The following CADM2 variants were observed in gnomAD, a reference collection of about 807,000 sequenced individuals.
CADM2 encodes immunoglobulin superfamily member 4D.
A neutral mutation model predicts 49.8 loss-of-function variants in CADM2; 12 were observed. The ratio of observed to expected loss-of-function variants is 0.24; its 90% CI spans 0.15 to 0.39. CADM2 has a LOEUF of 0.39. CADM2 is among the 10% of genes least tolerant of loss of function. CADM2 has a pLI of 1.00. For synonymous variants in CADM2, 214 were observed against 175.4 expected (o/e 1.22, Z -1.74); for missense variants, 378 against 492.3 (o/e 0.77, Z 2.20).
At chr3:85,108,598 T>C (rs2038336999) in intron 1 of CADM2, among the ~76,000 whole-genome samples, 1 of 152,046 alleles carries the variant, frequency 6.6e-6, no homozygotes, top group Admixed American at 6.6e-5. Context: ...CTAGTGATGG[T>C]TGAACAACAA....
chr3:85,666,130 TC>T (rs1371219870), intron 1 of CADM2, among the ~76,000 whole-genome samples: 1 of 151,882 alleles, frequency 6.6e-6, no homozygotes, highest in Non-Finnish European at 1.5e-5. Context: ...ATAAGTGAAC[TC>T]CCATTCACAA....
chr3:85,985,446 G>C (rs1727974841), intron 8 of CADM2, among the ~76,000 whole-genome samples: 1 of 151,788 alleles, frequency 6.6e-6, no homozygotes, highest in Non-Finnish European at 1.5e-5. Context: ...GAGGACATAT[G>C]GTCCAACAGA....
intron 6 of CADM2, among the ~76,000 whole-genome samples, chr3:85,914,151 G>T (rs959823247): frequency 6.6e-6 from 1 of 152,032 alleles, no homozygotes; most frequent in Non-Finnish European, 1.5e-5. Context: ...ATTATGTTAG[G>T]TTAATTTTAG....
chr3:85,422,674 G>A (rs1485327176), intron 1 of CADM2, among the ~76,000 whole-genome samples: 1 of 152,088 alleles, frequency 6.6e-6, no homozygotes, highest in Admixed American at 6.5e-5. Flanking sequence ...TTGCGTATAT[G>A]TATATATTTT....
intron 1 of CADM2, among the ~76,000 whole-genome samples, chr3:85,218,098 A>G (rs1239687562): frequency 6.6e-6 from 1 of 152,138 alleles, no homozygotes; most frequent in Admixed American, 6.5e-5. Context: ...TTTATTAGAC[A>G]TATAATAATT....
At chr3:85,945,527 C>T (rs1722558259) in intron 7 of CADM2, among the ~76,000 whole-genome samples, 1 of 152,056 alleles carries the variant, frequency 6.6e-6, no homozygotes, top group South Asian at 2.1e-4. Context: ...CAAAAATCCT[C>T]AATAAAATAC....
rs543609109 is a variant in CADM2, at chr3:85,609,237, G to C, written c.62-117285G>C. Among the ~76,000 whole-genome samples the C allele has an allele frequency of 2.0e-5, 3 of 152,124 alleles. No individual in the cohort carries two copies. The East Asian group carries it at 5.8e-4, about 29-fold the overall frequency. ...CCTAAGATTTGAGTTCTTGTACTCC[G>C]AGAGGTGTTAGGGGCATGACATGCA... On this transcript the variant is annotated intron_variant, in intron 1 of 9. Coordinates refer to ENST00000383699, the MANE Select transcript of CADM2 (RefSeq NM_001167675.2).
At chr3:85,408,010 C>CAAAAAAAAAA (rs372349246) in intron 1 of CADM2, among the ~76,000 whole-genome samples, 10 of 56,148 alleles carry the variant, frequency 1.8e-4, no homozygotes, top group East Asian at 7.4e-4. Flanking sequence ...AAAACAAAAC[C>CAAAAAAAAAA]AAAAAAAAAA....
At chr3:85,660,988 A>G (rs2065385216) in intron 1 of CADM2, among the ~76,000 whole-genome samples, 1 of 151,962 alleles carries the variant, frequency 6.6e-6, no homozygotes, top group Non-Finnish European at 1.5e-5. Flanking sequence ...GACCACTTTC[A>G]GAATGAAAGT....
chr3:85,551,194 CTGG>C (rs1246287019), intron 1 of CADM2, among the ~76,000 whole-genome samples: 2 of 152,118 alleles, frequency 1.3e-5, no homozygotes, highest in East Asian at 3.9e-4. Context: ...GTTGCCCAGG[CTGG>C]TCTCCAGCAC....
At chr3:85,393,156 A>G (rs1322803665) in intron 1 of CADM2, among the ~76,000 whole-genome samples, 3 of 152,094 alleles carry the variant, frequency 2.0e-5, no homozygotes, top group Non-Finnish European at 4.4e-5. Context: ...CAATAACAAG[A>G]CAATGGAACT....
intron 1 of CADM2, among the ~76,000 whole-genome samples, chr3:84,965,085 T>C (rs1229663122): frequency 6.6e-6 from 1 of 152,240 alleles, no homozygotes; most frequent in African/African-American, 2.4e-5. Context: ...GATCATAAAC[T>C]AATTTCATAA....
intron 1 of CADM2, among the ~76,000 whole-genome samples, chr3:85,438,316 G>T (rs1474362319): frequency 1.3e-5 from 2 of 150,780 alleles, no homozygotes; most frequent in African/African-American, 2.4e-5. Flanking sequence ...TTTAAATATG[G>T]ATCATTATCT....
chr3:85,008,572 G>A (rs2033848649), intron 1 of CADM2, among the ~76,000 whole-genome samples: 1 of 151,890 alleles, frequency 6.6e-6, no homozygotes, highest in Non-Finnish European at 1.5e-5. Context: ...AAAAATATAG[G>A]GAAGTAGGAA....
At chr3:84,966,363 T>TA (rs1335349295) in intron 1 of CADM2, among the ~76,000 whole-genome samples, 1 of 152,008 alleles carries the variant, frequency 6.6e-6, no homozygotes, top group Non-Finnish European at 1.5e-5. Flanking sequence ...ATTTTGTAAT[T>TA]AGAGTTTAGG....
rs546654963 is a variant in CADM2 at position 86,041,228 on chromosome 3, A to G, written c.971-24377A>G. ...AATGACAGGATCAAATTCACACATAACAATATTAATCTTACATGTAAATGG... is the reference window on the plus strand; with the variant it reads ...AATGACAGGATCAAATTCACACATAGCAATATTAATCTTACATGTAAATGG... On this transcript the variant is annotated intron_variant, in intron 8 of 9. Coordinates refer to ENST00000383699, the MANE Select transcript of CADM2 (RefSeq NM_001167675.2). 9.9e-4 allele frequency among the ~76,000 whole-genome samples: 151 copies of G among 152,346 alleles called. No homozygotes were observed. The Middle Eastern group carries it at 0.014, about 14-fold the overall frequency.
chr3:85,314,396 T>C (rs1180325114), intron 1 of CADM2, among the ~76,000 whole-genome samples: 1 of 152,054 alleles, frequency 6.6e-6, no homozygotes, highest in Non-Finnish European at 1.5e-5. Flanking sequence ...ATTTTTTATA[T>C]TAAAAATCAG....
intron 2 of CADM2, among the ~76,000 whole-genome samples, chr3:85,753,281 A>G (rs1383381855): frequency 1.3e-5 from 2 of 152,128 alleles, no homozygotes; most frequent in Non-Finnish European, 2.9e-5. Context: ...AAGAAAGGAC[A>G]TTATAAAGGA....
At chr3:85,392,550 A>C (rs1472359460) in intron 1 of CADM2, among the ~76,000 whole-genome samples, 1 of 152,100 alleles carries the variant, frequency 6.6e-6, no homozygotes, top group Non-Finnish European at 1.5e-5. Context: ...CAGAACATAC[A>C]TCCTCCTAAT....
Sources: allele counts gnomAD v4.1 joint callset (sites outside exome capture counted in the v4.1 genomes callset), GRCh38; gene constraint gnomAD v4.1.1; transcripts MANE v1.5; gene names NCBI Gene and HGNC (gene_info 2026-07-23, HGNC 2026-07-21).